Variants in PKIG observed in about 807,000 individuals in gnomAD.
The protein encoded by PKIG is cAMP-dependent protein kinase inhibitor gamma, also known as protein kinase (cAMP-dependent, catalytic) inhibitor gamma.
PKIG carries 1 observed loss-of-function variant against 6.8 expected under a neutral mutation model. The ratio of observed to expected loss-of-function variants is 0.15; its 90% CI spans 0.05 to 0.69. The LOEUF (loss-of-function observed/expected upper bound fraction) is 0.69. Ranked by LOEUF, PKIG falls within the 30% of genes least tolerant of loss-of-function variation. PKIG has a pLI of 0.82. For missense variants in PKIG, 77 were observed against 104.0 expected, an observed-to-expected ratio of 0.74 and a Z score of 1.13; for synonymous variants, 39 against 43.0, an observed-to-expected ratio of 0.91 and a Z score of 0.36.
intron 2 of PKIG, among the ~76,000 whole-genome samples, chr20:44,608,187 C>A (rs1470440877): frequency 1.3e-5 from 2 of 152,066 alleles, no homozygotes; most frequent in Non-Finnish European, 2.9e-5. Flanking sequence ...CACATGCACA[C>A]ATAATCTAAA....
intron 1 of PKIG, among the ~76,000 whole-genome samples, chr20:44,555,743 G>A (rs1214128378): frequency 6.6e-6 from 1 of 152,060 alleles, no homozygotes; most frequent in African/African-American, 2.4e-5. Flanking sequence ...CACTTGCTAG[G>A]GAACCTCATT....
At chr20:44,538,614 T>C (rs771594022) in intron 1 of PKIG, among the ~76,000 whole-genome samples, 2 of 152,190 alleles carry the variant, frequency 1.3e-5, no homozygotes, top group African/African-American at 2.4e-5. Flanking sequence ...ATTTCATCCA[T>C]GAATACTGTA....
At chr20:44,565,604 C>T (rs2064803867) in intron 1 of PKIG, among the ~76,000 whole-genome samples, 1 of 152,286 alleles carries the variant, frequency 6.6e-6, no homozygotes, top group East Asian at 1.9e-4. Context: ...AGAACATGGG[C>T]TTATAATTTT....
At chr20:44,556,433 G>A (rs953157032) in intron 1 of PKIG, among the ~76,000 whole-genome samples, 1 of 152,094 alleles carries the variant, frequency 6.6e-6, no homozygotes, top group Non-Finnish European at 1.5e-5. Flanking sequence ...CGCGATCTCG[G>A]CTCACTGCAA....
At chr20:44,616,461 G>T (rs552807152) in intron 3 of PKIG, among the ~76,000 whole-genome samples, 1 of 152,276 alleles carries the variant, frequency 6.6e-6, no homozygotes, top group African/African-American at 2.4e-5. Context: ...CTCTCTCAAG[G>T]CTTCTGTGTC....
At chr20:44,588,536 T>G (rs2065009050) in intron 1 of PKIG, among the ~76,000 whole-genome samples, 1 of 151,916 alleles carries the variant, frequency 6.6e-6, no homozygotes, top group Non-Finnish European at 1.5e-5. Flanking sequence ...CCCAGCTACT[T>G]GGGAGGCTGA....
rs1340651095 is a variant in PKIG at position 44,618,736 on chromosome 20, C to G, written c.*372C>G. ...GGACCCTGTCCCAACACCAACACCT[C>G]CTCTCCAGCCCAATCTTCTGGGTCC... On this transcript the variant is annotated 3_prime_UTR_variant, in exon 4 of 4. Coordinates refer to ENST00000372886, the MANE Select transcript of PKIG (RefSeq NM_001281445.2). 1 of 188,680 alleles carries G rather than the reference C, an allele frequency of 5.3e-6. No homozygotes were observed. The allele number at this position is 188,680 out of a possible 1,614,324, so 11.7% of individuals were successfully genotyped here.
At chr20:44,539,945 T>G (rs748054836) in intron 1 of PKIG, among the ~76,000 whole-genome samples, 10 of 152,088 alleles carry the variant, frequency 6.6e-5, no homozygotes, top group Non-Finnish European at 1.2e-4. Flanking sequence ...TTTGACTGAT[T>G]ACATCTATTT....
intron 2 of PKIG, among the ~76,000 whole-genome samples, chr20:44,590,246 A>G (rs1035493944): frequency 2.0e-5 from 3 of 152,200 alleles, no homozygotes; most frequent in Non-Finnish European, 2.9e-5. Flanking sequence ...TTTGCTGTAA[A>G]GCTGTTTTCA....
chr20:44,591,168 G>A (rs2065030214), intron 2 of PKIG, among the ~76,000 whole-genome samples: 1 of 152,134 alleles, frequency 6.6e-6, no homozygotes, highest in Non-Finnish European at 1.5e-5. Context: ...ATGACTTGGA[G>A]AAGAGTGGGC....
At chr20:44,578,872 A>G (rs1051656989), upstream of PKIG, among the ~76,000 whole-genome samples, 1 of 152,192 alleles carries the variant, frequency 6.6e-6, no homozygotes, top group African/African-American at 2.4e-5. Context: ...GGTAATTTAT[A>G]TAAAGCAGTT....
chr20:44,592,926 T>C (rs2065044952), intron 2 of PKIG, among the ~76,000 whole-genome samples: 1 of 152,190 alleles, frequency 6.6e-6, no homozygotes, highest in Non-Finnish European at 1.5e-5. Context: ...TCCAGTGGCA[T>C]TGCTTACAGA....
At position 44,614,778 on chromosome 20, in the gene PKIG, A is replaced by G; in HGVS notation, c.151+71A>G. 6.7e-7 allele frequency: 1 copy of G among 1,495,378 alleles called. No homozygotes were observed. 92.6% of individuals were successfully genotyped at this position (1,495,378 alleles called of 1,614,324 possible). ...CTGCCGGGCCCCGGGCTAGCCTCCAAGTCCTAGACTGCCCATACTTTCTTA... is the reference window on the plus strand; with the variant it reads ...CTGCCGGGCCCCGGGCTAGCCTCCAGGTCCTAGACTGCCCATACTTTCTTA... On this transcript the variant is annotated intron_variant, in intron 3 of 3. Transcript: ENST00000372886. The surrounding 1 kb of genome is among the most constrained non-coding windows in gnomAD (Gnocchi z 4.6).
intron 1 of PKIG, among the ~76,000 whole-genome samples, chr20:44,549,800 G>A (rs981569434): frequency 2.0e-5 from 3 of 152,130 alleles, no homozygotes; most frequent in Non-Finnish European, 4.4e-5. Flanking sequence ...ACCCCAGCCT[G>A]GGTAACAGCA....
At chr20:44,577,422 C>T (rs576762458) in intron 1 of PKIG, among the ~76,000 whole-genome samples, 1 of 152,312 alleles carries the variant, frequency 6.6e-6, no homozygotes, top group African/African-American at 2.4e-5. Flanking sequence ...GCGTCAGCCA[C>T]CGTGCTTGAC....
chr20:44,578,930 G>A (rs2064923894), upstream of PKIG, among the ~76,000 whole-genome samples: 1 of 152,102 alleles, frequency 6.6e-6, no homozygotes, highest in Non-Finnish European at 1.5e-5. Flanking sequence ...CCAACACTTT[G>A]GGAGGCCAAG....
intron 2 of PKIG, among the ~76,000 whole-genome samples, chr20:44,602,466 C>T (rs1305304162): frequency 6.6e-6 from 1 of 152,056 alleles, no homozygotes; most frequent in Non-Finnish European, 1.5e-5. Flanking sequence ...CAGTATATAC[C>T]CTATGCCCGG....
At chr20:44,605,424 A>AG (rs2065155780) in intron 2 of PKIG, among the ~76,000 whole-genome samples, 1 of 151,362 alleles carries the variant, frequency 6.6e-6, no homozygotes, top group Non-Finnish European at 1.5e-5. Context: ...AAAAAAAAAA[A>AG]AAAAAGATTC....
intron 1 of PKIG, among the ~76,000 whole-genome samples, chr20:44,548,210 T>C (rs1046603084): frequency 2.6e-5 from 4 of 152,136 alleles, no homozygotes; most frequent in Non-Finnish European, 4.4e-5. Context: ...GGTAGCATCT[T>C]ATCCCACACA....
Sources: gnomAD v4.1 joint callset for allele counts (sites outside exome capture counted in the v4.1 genomes callset) on GRCh38, gnomAD v4.1.1 for gene constraint, Gnocchi (gnomAD v3.1) non-coding constraint, MANE v1.5 for transcripts, NCBI Gene and HGNC (gene_info 2026-07-23, HGNC 2026-07-21) for gene names.